Variants in GLIS3 observed in about 807,000 individuals in gnomAD.
GLIS3 encodes the protein zinc finger protein GLIS3.
A neutral mutation model predicts 78.6 loss-of-function variants in GLIS3; 53 were observed. That is an observed-to-expected ratio of 0.67 (90% CI 0.54 to 0.85). The LOEUF (loss-of-function observed/expected upper bound fraction) is 0.85. Ranked by LOEUF, GLIS3 falls within the 40% of genes least tolerant of loss-of-function variation. The pLI, the probability that GLIS3 is intolerant of heterozygous loss-of-function variation, is 0.00. For synonymous variants in GLIS3, 684 were observed against 509.9 expected (o/e 1.34, Z -4.60); for missense variants, 1,703 against 1,231.1 (o/e 1.38, Z -5.74).
At chr9:3,934,157 T>C (rs1269757034) in intron 5 of GLIS3, among the ~76,000 whole-genome samples, 1 of 152,226 alleles carries the variant, frequency 6.6e-6, no homozygotes. Flanking sequence ...GCAAAGATTT[T>C]CTTTAACCTG....
At chr9:4,179,320 T>C (rs1439597802) in intron 2 of GLIS3, among the ~76,000 whole-genome samples, 1 of 152,202 alleles carries the variant, frequency 6.6e-6, no homozygotes, top group Non-Finnish European at 1.5e-5. Flanking sequence ...ATGCATTTTC[T>C]TTAAAATTAC....
intron 4 of GLIS3, among the ~76,000 whole-genome samples, chr9:4,105,779 C>T (rs906699814): frequency 1.3e-5 from 2 of 152,080 alleles, no homozygotes; most frequent in Non-Finnish European, 2.9e-5. Context: ...TTGACTGATT[C>T]CACCATAAAG....
chr9:4,142,801 G>A (rs919338936), intron 2 of GLIS3, among the ~76,000 whole-genome samples: 11 of 152,058 alleles, frequency 7.2e-5, no homozygotes, highest in African/African-American at 2.4e-4. Flanking sequence ...TTCTCAAAAT[G>A]GAATCAATAC....
intron 6 of GLIS3, among the ~76,000 whole-genome samples, chr9:3,929,566 C>T (rs913946559): frequency 6.6e-6 from 1 of 152,036 alleles, no homozygotes; most frequent in Non-Finnish European, 1.5e-5. Flanking sequence ...AAACTGGCAA[C>T]CTTAAGACCA....
At chr9:3,993,320 G>C (rs551039280) in intron 4 of GLIS3, among the ~76,000 whole-genome samples, 3 of 152,230 alleles carry the variant, frequency 2.0e-5, no homozygotes, top group South Asian at 4.1e-4. Context: ...TTAATCTTCT[G>C]AAGCCTGAAA....
chr9:3,858,628 T>C (rs1395380723), intron 8 of GLIS3, among the ~76,000 whole-genome samples: 1 of 152,244 alleles, frequency 6.6e-6, no homozygotes, highest in East Asian at 1.9e-4. Context: ...TGACACCCCA[T>C]ATAAAGTATT....
intron 2 of GLIS3, among the ~76,000 whole-genome samples, chr9:4,312,856 G>C (rs540699889): frequency 1.1e-4 from 16 of 152,230 alleles, no homozygotes; most frequent in Admixed American, 9.2e-4. Flanking sequence ...CATTTTTCAG[G>C]TGCTTACTCA....
the GLIS3 span, among the ~76,000 whole-genome samples, chr9:4,392,862 G>C: frequency 2.0e-5 from 3 of 151,436 alleles, no homozygotes; most frequent in Non-Finnish European, 2.9e-5. Flanking sequence ...CCCTTTGCCA[G>C]AATGAAATAA....
chr9:4,179,810 T>A (rs768474496), intron 2 of GLIS3, among the ~76,000 whole-genome samples: 4 of 151,418 alleles, frequency 2.6e-5, no homozygotes, highest in Non-Finnish European at 5.9e-5. Context: ...CCCAGGAGGC[T>A]GAGGCAGGAG....
rs531886960 is a variant in GLIS3 at position 4,118,172 on chromosome 9, A to C, written c.1306T>G (p.Phe436Val). The change falls in exon 4 of 11, where the codon TTC (phenylalanine) becomes GTC (valine). Residue 436 changes from phenylalanine to valine, a missense_variant. By Grantham distance (50) the Phe-to-Val change is conservative (BLOSUM62 -1). Transcript: ENST00000381971. The surrounding 1 kb of genome is among the most constrained non-coding windows in gnomAD (Gnocchi z 4.7). The stretch of plus-strand genomic sequence containing the variant: ...GGTAGGTCTACGGTGCTGCCCGGGA[A>C]CTCCTCCAGGCGTTCGGTCTTGAAC... ...GLFKTERLEE[F>V]PGSTVDLPPA... The C allele has an allele frequency of 2.0e-5, 32 of 1,567,498 alleles. No homozygotes were observed. The African/African-American group carries it at 3.1e-4, about 15-fold the overall frequency.
intron 2 of GLIS3, among the ~76,000 whole-genome samples, chr9:4,185,293 T>C (rs1473022791): frequency 2.6e-5 from 4 of 152,234 alleles, no homozygotes; most frequent in East Asian, 3.8e-4. Context: ...AAATTCATTA[T>C]TTTTTATTGC....
At chr9:4,484,848 G>A in the GLIS3 span, among the ~76,000 whole-genome samples, 1 of 152,124 alleles carries the variant, frequency 6.6e-6, no homozygotes, top group Non-Finnish European at 1.5e-5. Context: ...AAAGACACAA[G>A]ATTAGGATTA....
chr9:4,239,124 T>C (rs1275709433), intron 2 of GLIS3, among the ~76,000 whole-genome samples: 3 of 134,946 alleles, frequency 2.2e-5, no homozygotes, highest in African/African-American at 8.5e-5. Context: ...TCTTTGCTAT[T>C]GTGAATAGTG....
chr9:4,458,516 G>C, the GLIS3 span, among the ~76,000 whole-genome samples: 1 of 152,208 alleles, frequency 6.6e-6, no homozygotes, highest in African/African-American at 2.4e-5. Flanking sequence ...GGGGCCAGGT[G>C]CAGTGGCTCA....
intron 4 of GLIS3, among the ~76,000 whole-genome samples, chr9:4,004,478 G>A (rs1215874196): frequency 3.3e-5 from 5 of 152,188 alleles, no homozygotes; most frequent in Non-Finnish European, 5.9e-5. Flanking sequence ...TCCAAAAGGT[G>A]ATGGGATGAA....
chr9:4,300,144 C>T (rs1017579151), upstream of GLIS3, among the ~76,000 whole-genome samples: 1 of 119,966 alleles, frequency 8.3e-6, no homozygotes. Flanking sequence ...AGAGTGGGGG[C>T]GGGCTCGCGG....
intron 1 of GLIS3, among the ~76,000 whole-genome samples, chr9:4,347,718 G>C (rs147255383): frequency 2.0e-3 from 301 of 152,162 alleles, no homozygotes; most frequent in Non-Finnish European, 3.4e-3. Context: ...GTTTGTTTTT[G>C]GTTTGGTTTT....
rs772147385 is a variant in GLIS3 at position 4,118,846 on chromosome 9, G to T, written c.632C>A (p.Thr211Asn). The part of the protein sequence containing the change: ...LISRESLAST[T>N]LSLTESQSAS... ...CGACTGACTTTCCGTCAGACTCAAGGTCGTGGACGCCAAAGACTCACGCGA... is the reference window on the plus strand; with the variant it reads ...CGACTGACTTTCCGTCAGACTCAAGTTCGTGGACGCCAAAGACTCACGCGA... Residue 211 changes from threonine (T) to asparagine (N), a missense_variant, in exon 4 of 11, where the codon ACC becomes AAC. Coordinates refer to ENST00000381971, the MANE Select transcript of GLIS3 (RefSeq NM_001042413.2). This position sits in a 1 kb window ranked among gnomAD's most constrained non-coding sequence, Gnocchi z 4.7. The T allele has an allele frequency of 6.2e-7, 1 of 1,604,010 alleles. No homozygotes were observed. The highest frequency in any genetic ancestry group is 1.7e-5 in the Admixed American group (1 of 60,018).
chr9:3,872,742 A>G (rs113998618), intron 8 of GLIS3, among the ~76,000 whole-genome samples: 2,240 of 152,354 alleles, frequency 0.015, 51 homozygotes, highest in African/African-American at 0.052. Flanking sequence ...CAGCCAAACT[A>G]TATCAGTCCC....
Sources: allele counts gnomAD v4.1 joint callset (sites outside exome capture counted in the v4.1 genomes callset), GRCh38; gene constraint gnomAD v4.1.1; non-coding constraint Gnocchi (gnomAD v3.1); transcripts MANE v1.5; gene names NCBI Gene and HGNC (gene_info 2026-07-23, HGNC 2026-07-21).